PRRX1: variants seen among roughly 807,000 people sequenced by gnomAD.
The protein encoded by PRRX1 is paired related homeobox 1, also known as paired mesoderm homeobox protein 1.
A neutral mutation model predicts 24.0 loss-of-function variants in PRRX1; 8 were observed. The observed-to-expected ratio is 0.33, with a 90% CI of 0.20 to 0.60. The LOEUF (loss-of-function observed/expected upper bound fraction) is 0.60. Ranked by LOEUF, PRRX1 falls within the 20% of genes least tolerant of loss-of-function variation. The probability of loss-of-function intolerance (pLI) is 0.82; values close to 1 mark genes in which losing one functional copy is unlikely to be tolerated. For synonymous variants in PRRX1, 160 were observed against 131.7 expected, an observed-to-expected ratio of 1.22 and a Z score of -1.47; for missense variants, 281 against 322.4, an observed-to-expected ratio of 0.87 and a Z score of 0.98.
At chr1:170,707,506 G>A (rs144445342) in intron 1 of PRRX1, among the ~76,000 whole-genome samples, 1 of 152,194 alleles carries the variant, frequency 6.6e-6, no homozygotes, top group East Asian at 1.9e-4. Context: ...TGCAAACACT[G>A]TGTTTATAAA....
chr1:170,728,922 G>T (rs796411337), intron 3 of PRRX1: 1 of 152,322 alleles, frequency 6.6e-6, no homozygotes, highest in African/African-American at 2.4e-5. Context: ...TTTGTGTTAT[G>T]AAAAATTAAC....
At chr1:170,702,814 C>T (rs1380074755) in intron 1 of PRRX1, among the ~76,000 whole-genome samples, 1 of 151,914 alleles carries the variant, frequency 6.6e-6, no homozygotes, top group African/African-American at 2.4e-5. Context: ...TTTTTAAAAC[C>T]CAGAAAGCTA....
intron 2 of PRRX1, among the ~76,000 whole-genome samples, chr1:170,720,239 G>C (rs10800532): frequency 1 from 152,278 of 152,280 alleles, 76,138 homozygotes; most frequent in Middle Eastern, 1. Flanking sequence ...GATCACGCCA[G>C]TGCACCCCAG....
intron 2 of PRRX1, among the ~76,000 whole-genome samples, chr1:170,723,501 T>C (rs543552119): frequency 6.1e-4 from 93 of 152,326 alleles, no homozygotes; most frequent in African/African-American, 2.2e-3. Flanking sequence ...GCCTGGACCA[T>C]AGCAGGTGCT....
chr1:170,721,248 C>A (rs939684742), intron 2 of PRRX1, among the ~76,000 whole-genome samples: 3 of 152,218 alleles, frequency 2.0e-5, no homozygotes, highest in Non-Finnish European at 4.4e-5. Context: ...TAGCAAGATG[C>A]TGTTTTGATA....
At chr1:170,686,179 C>CAAAAAAAA (rs397754426) in intron 1 of PRRX1, among the ~76,000 whole-genome samples, 41 of 105,228 alleles carry the variant, frequency 3.9e-4, no homozygotes, top group African/African-American at 1.4e-3. Context: ...GTTAAGGGTA[C>CAAAAAAAA]AAAAAAAAAA....
intron 1 of PRRX1, among the ~76,000 whole-genome samples, chr1:170,701,060 T>C (rs1654341883): frequency 6.6e-6 from 1 of 152,206 alleles, no homozygotes; most frequent in Non-Finnish European, 1.5e-5. Context: ...ACTGCCTTTA[T>C]CACCCTGCTC....
chr1:170,712,839 A>T (rs1159593958), intron 1 of PRRX1, among the ~76,000 whole-genome samples: 2 of 152,172 alleles, frequency 1.3e-5, no homozygotes, highest in Non-Finnish European at 2.9e-5. Flanking sequence ...ACTCCACTCC[A>T]CTTCCAACTA....
At chr1:170,732,430 T>A (rs1443097367) in intron 3 of PRRX1, among the ~76,000 whole-genome samples, 1 of 152,186 alleles carries the variant, frequency 6.6e-6, no homozygotes, top group Admixed American at 6.5e-5. Flanking sequence ...TTTTGAAGAA[T>A]GACTAAGATA....
At chr1:170,679,924 T>C (rs904691063) in intron 1 of PRRX1, among the ~76,000 whole-genome samples, 9 of 152,252 alleles carry the variant, frequency 5.9e-5, no homozygotes, top group African/African-American at 1.9e-4. Flanking sequence ...ATATTTCTAT[T>C]TTGAAATTTT....
intron 1 of PRRX1, among the ~76,000 whole-genome samples, chr1:170,671,854 T>C (rs1328785524): frequency 6.6e-6 from 1 of 152,042 alleles, no homozygotes; most frequent in African/African-American, 2.4e-5. Flanking sequence ...AGAGGGTTTG[T>C]CCCCATGGAG....
At chr1:170,721,698 T>C (rs922324279) in intron 2 of PRRX1, among the ~76,000 whole-genome samples, 1 of 152,062 alleles carries the variant, frequency 6.6e-6, no homozygotes, top group Non-Finnish European at 1.5e-5. Context: ...ATAGAGACAA[T>C]ACTCAGTTTT....
intron 1 of PRRX1, among the ~76,000 whole-genome samples, chr1:170,699,056 T>C (rs1418849736): frequency 6.6e-6 from 1 of 152,198 alleles, no homozygotes; most frequent in African/African-American, 2.4e-5. Flanking sequence ...CTTTTAAAGG[T>C]TGTAATTTCT....
intron 1 of PRRX1, among the ~76,000 whole-genome samples, chr1:170,686,721 A>G (rs1653755219): frequency 6.6e-6 from 1 of 152,170 alleles, no homozygotes; most frequent in Non-Finnish European, 1.5e-5. Context: ...CACTTGGTGT[A>G]TTCTTTTAAA....
rs1229005811 is a variant in PRRX1 at position 170,736,443 on chromosome 1, C to T, written c.*257C>T. ...GTGTTTATTTTGTTTTTCTTTCATTCATGCTTTGCTTAATGTACTCCAGGC... is the reference window on the plus strand; with the variant it reads ...GTGTTTATTTTGTTTTTCTTTCATTTATGCTTTGCTTAATGTACTCCAGGC... On this transcript the variant is annotated 3_prime_UTR_variant, in exon 4 of 4. Coordinates refer to ENST00000239461, the MANE Select transcript of PRRX1 (RefSeq NM_022716.4). 2 of 516,880 alleles carry T rather than the reference C, an allele frequency of 3.9e-6. No individual in the cohort carries two copies. Among genetic ancestry groups the T allele is most frequent in the Non-Finnish European group, 6.9e-6 (2 of 288,160 alleles). The allele number at this position is 516,880 out of a possible 1,614,324, so 32.0% of individuals were successfully genotyped here. A position where few individuals can be genotyped will look rare whatever the true frequency, so the allele number is the denominator to read the frequency against.
chr1:170,671,391 T>G (rs1653139629), intron 1 of PRRX1, among the ~76,000 whole-genome samples: 2 of 152,240 alleles, frequency 1.3e-5, no homozygotes, highest in Non-Finnish European at 2.9e-5. Context: ...GGTCTCTGCC[T>G]CGGCAAAGAA....
intron 1 of PRRX1, among the ~76,000 whole-genome samples, chr1:170,665,714 G>T (rs1017201305): frequency 6.6e-6 from 1 of 152,240 alleles, no homozygotes. Flanking sequence ...GGCCCCGCGG[G>T]CCACGCTACA....
intron 1 of PRRX1, among the ~76,000 whole-genome samples, chr1:170,688,800 G>C (rs1217207011): frequency 6.6e-6 from 1 of 152,082 alleles, no homozygotes; most frequent in Non-Finnish European, 1.5e-5. Context: ...GGAAATTCCT[G>C]ACTGACATTT....
intron 1 of PRRX1, among the ~76,000 whole-genome samples, chr1:170,712,108 T>G: frequency 6.6e-6 from 1 of 152,204 alleles, no homozygotes; most frequent in East Asian, 1.9e-4. Context: ...CTGTCTTTTT[T>G]TCTGAAGCTA....
Sources: allele counts gnomAD v4.1 joint callset (sites outside exome capture counted in the v4.1 genomes callset), GRCh38; gene constraint gnomAD v4.1.1; transcripts MANE v1.5; gene names NCBI Gene and HGNC (gene_info 2026-07-23, HGNC 2026-07-21).